PCDHGB2: variants seen among roughly 807,000 people sequenced by gnomAD.
PCDHGB2 encodes protocadherin gamma subfamily B, 2, also known as protocadherin gamma-B2.
A neutral mutation model predicts 59.3 loss-of-function variants in PCDHGB2; 55 were observed. The observed-to-expected ratio is 0.93, with a 90% CI of 0.75 to 1.16. The LOEUF is 1.16. Ranked by LOEUF, PCDHGB2 falls within the 50% of genes most tolerant of loss-of-function variation. The pLI is 0.00. For synonymous variants in PCDHGB2, 516 were observed against 512.0 expected (o/e 1.01, Z -0.11); for missense variants, 1,228 against 1,198.5 (o/e 1.02, Z -0.36).
chr5:141,388,397 A>C, intron 1 of PCDHGB2: 1 of 1,613,956 alleles, frequency 6.2e-7, no homozygotes, highest in Non-Finnish European at 8.5e-7. Context: ...AGAATTACCA[A>C]CTCAGTCCCA....
intron 1 of PCDHGB2, chr5:141,418,882 C>G: frequency 1.2e-6 from 2 of 1,613,960 alleles, no homozygotes; most frequent in Non-Finnish European, 1.7e-6. Flanking sequence ...TAGACGAAAA[C>G]GACAACAGCC....
chr5:141,509,819 C>T (rs1008625658), intron 3 of PCDHGB2, among the ~76,000 whole-genome samples: 3 of 152,154 alleles, frequency 2.0e-5, no homozygotes, highest in African/African-American at 7.2e-5. Context: ...AGCTCTTCTC[C>T]ATCTTCTCTC....
Position 141,360,664 on chromosome 5 carries a change from T to C in PCDHGB2, c.529T>C (p.Tyr177His), listed in dbSNP as rs1192992193. Reference sequence around the variant, plus strand: ...AAGATACCACCTTAATGACAACGAGTACTTTGATCTCGCTGAGAAACAGAC... The same window carrying C: ...AAGATACCACCTTAATGACAACGAGCACTTTGATCTCGCTGAGAAACAGAC... ...LQRYHLNDNE[Y>H]FDLAEKQTPD... Residue 177 changes from tyrosine (Y) to histidine (H), a missense_variant, in exon 1 of 4, where the codon TAC (tyrosine) becomes CAC (histidine). Transcript: ENST00000522605. 1 of 1,613,936 alleles carries C rather than the reference T, an allele frequency of 6.2e-7. No homozygotes were observed.
intron 1 of PCDHGB2, chr5:141,414,805 C>T (rs1464881022): frequency 1.2e-6 from 2 of 1,614,224 alleles, no homozygotes; most frequent in Middle Eastern, 1.6e-4. Flanking sequence ...CAGCGGGGAT[C>T]CTCCACTCAG....
At chr5:141,371,718 A>C in intron 1 of PCDHGB2, 1 of 1,614,064 alleles carries the variant, frequency 6.2e-7, no homozygotes, top group Non-Finnish European at 8.5e-7. Flanking sequence ...CACTCTGCAC[A>C]TCCTTGATGT....
intron 1 of PCDHGB2, chr5:141,372,749 C>T (rs1368298645): frequency 1.2e-6 from 2 of 1,613,056 alleles, no homozygotes; most frequent in Non-Finnish European, 1.7e-6. Flanking sequence ...GTGATGAAGC[C>T]TCTTGGTTTG....
chr5:141,451,330 T>C (rs1335156581), intron 1 of PCDHGB2, among the ~76,000 whole-genome samples: 2 of 152,200 alleles, frequency 1.3e-5, no homozygotes, highest in East Asian at 1.9e-4. Context: ...CCTAAGGCTA[T>C]TGTCTTATCT....
chr5:141,418,985 T>C, intron 1 of PCDHGB2: 1 of 1,613,882 alleles, frequency 6.2e-7, no homozygotes, highest in Non-Finnish European at 8.5e-7. Context: ...GGACCAAGAC[T>C]CAGGGGAAAA....
Position 141,360,183 on chromosome 5 carries a change from A to G in PCDHGB2, c.48A>G (p.Val16=). 6.2e-7 allele frequency: 1 copy of G among 1,611,000 alleles called. No homozygotes were observed. The highest frequency in any genetic ancestry group is 8.5e-7 in the Non-Finnish European group (1 of 1,178,454). The change falls in exon 1 of 4, where the codon GTA becomes GTG. Residue 16 remains valine, a synonymous_variant. Transcript: ENST00000522605. The part of the protein sequence containing the change: ...GRCGLVRWLQ[V]LLPFLLSLFP... Reference sequence around the variant, plus strand: ...GCGGGCTGGTGCGGTGGCTGCAGGTACTGTTGCCCTTCCTGTTGTCTTTGT... The same window carrying G: ...GCGGGCTGGTGCGGTGGCTGCAGGTGCTGTTGCCCTTCCTGTTGTCTTTGT...
intron 1 of PCDHGB2, chr5:141,392,932 A>T (rs1334314898): frequency 6.2e-7 from 1 of 1,613,830 alleles, no homozygotes; most frequent in African/African-American, 1.3e-5. Flanking sequence ...GAAGAGACGG[A>T]CAAAGGCTCC....
In PCDHGB2 at chr5:141,432,142, C is replaced by T; in HGVS notation, c.2422-62665C>T. 1 of 1,614,098 alleles carries T rather than the reference C, an allele frequency of 6.2e-7. No individual in the cohort carries two copies. Among genetic ancestry groups the T allele is most frequent in the Non-Finnish European group, 8.5e-7 (1 of 1,180,016 alleles). On this transcript the variant is annotated intron_variant, in intron 1 of 3. Transcript: ENST00000522605. This position sits in a 1 kb window ranked among gnomAD's most constrained non-coding sequence, Gnocchi z 6.0. Reference sequence around the variant, plus strand: ...CTCAGGCCTCCTATTCCGCTTATATCCCAGAGAACAATCCCAGAGGAGTTT... The same window carrying T: ...CTCAGGCCTCCTATTCCGCTTATATTCCAGAGAACAATCCCAGAGGAGTTT...
chr5:141,371,565 C>A (rs373548501), intron 1 of PCDHGB2: 57 of 1,613,742 alleles, frequency 3.5e-5, no homozygotes, highest in Non-Finnish European at 4.6e-5. Context: ...AGGAAACTTC[C>A]CCTTTAAAAT....
chr5:141,404,103 G>C lies in PCDHGB2; in HGVS notation c.2421+41547G>C, dbSNP rs773489391. 14 of 1,613,372 alleles carry C rather than the reference G, an allele frequency of 8.7e-6. No homozygotes were observed. In the East Asian group the frequency reaches 2.9e-4, roughly 33 times the overall value. On this transcript the variant is annotated intron_variant, in intron 1 of 3. Transcript: ENST00000522605. ...TCCGGGAAGAATGGTCAAGTTGTCT[G>C]TTCTATCCAGGAGAATCTATCTTTT...
At chr5:141,375,378 T>A (rs1226520501) in intron 1 of PCDHGB2, 11 of 1,613,954 alleles carry the variant, frequency 6.8e-6, no homozygotes, top group Non-Finnish European at 9.3e-6. Flanking sequence ...ACACCACCTC[T>A]GTCTACAGAA....
chr5:141,478,724 G>T, intron 1 of PCDHGB2: 2 of 1,542,774 alleles, frequency 1.3e-6, no homozygotes, highest in Non-Finnish European at 1.8e-6. Context: ...TGGCCTGCCA[G>T]AGTGTGGTTT....
chr5:141,375,053 G>A, intron 1 of PCDHGB2: 1 of 1,614,046 alleles, frequency 6.2e-7, no homozygotes. Context: ...AGCCCGGGAT[G>A]GGCCAGGTCT....
intron 1 of PCDHGB2, chr5:141,409,110 A>T: frequency 6.2e-7 from 1 of 1,614,060 alleles, no homozygotes; most frequent in Non-Finnish European, 8.5e-7. Context: ...ATGATTAAGA[A>T]TAACCAGTCA....
At chr5:141,483,640 G>T (rs1406049976) in intron 1 of PCDHGB2, among the ~76,000 whole-genome samples, 3 of 144,232 alleles carry the variant, frequency 2.1e-5, no homozygotes, top group Non-Finnish European at 4.5e-5. Flanking sequence ...GTATAGAGGG[G>T]TGTGTGTTTG....
At chr5:141,467,901 C>T (rs1484485803) in intron 1 of PCDHGB2, among the ~76,000 whole-genome samples, 7 of 152,034 alleles carry the variant, frequency 4.6e-5, no homozygotes, top group Admixed American at 1.3e-4. Flanking sequence ...TCAAGAAATC[C>T]GCCCACCTCA....
Sources: allele counts gnomAD v4.1 joint callset (sites outside exome capture counted in the v4.1 genomes callset), GRCh38; gene constraint gnomAD v4.1.1; non-coding constraint Gnocchi (gnomAD v3.1); transcripts MANE v1.5; gene names NCBI Gene and HGNC (gene_info 2026-07-23, HGNC 2026-07-21).